SLC30A8: variants seen among roughly 807,000 people sequenced by gnomAD.
SLC30A8 encodes the protein proton-coupled zinc antiporter SLC30A8.
SLC30A8 carries 27 observed loss-of-function variants against 36.9 expected under a neutral mutation model. The ratio of observed to expected loss-of-function variants is 0.73; its 90% CI spans 0.54 to 1.01. The LOEUF is 1.01. SLC30A8 is among the 50% of genes least tolerant of loss of function. The pLI, the probability that SLC30A8 is intolerant of heterozygous loss-of-function variation, is 0.00. For synonymous variants in SLC30A8, 164 were observed against 172.4 expected (o/e 0.95, Z 0.38); for missense variants, 439 against 452.0 (o/e 0.97, Z 0.26).
chr8:117,092,341 T>C (rs1819168974), intron 2 of SLC30A8, among the ~76,000 whole-genome samples: 1 of 152,224 alleles, frequency 6.6e-6, no homozygotes, highest in Non-Finnish European at 1.5e-5. Context: ...TTTTTATTTT[T>C]TCTTTACCTA....
upstream of SLC30A8, chr8:116,950,689 C>T (rs1240983968): frequency 6.6e-6 from 1 of 152,174 alleles, no homozygotes; most frequent in Non-Finnish European, 1.5e-5. Flanking sequence ...GTACTAGTTG[C>T]TCTAAACTTC....
At position 117,166,853 on chromosome 8, in the gene SLC30A8, A is replaced by T. The variant is rs1355139733; in HGVS notation, c.829+3323A>T. Among the ~76,000 whole-genome samples, 4 of 144,748 alleles carry T rather than the reference A, an allele frequency of 2.8e-5. No individual in the cohort carries two copies. In the Admixed American group the frequency reaches 2.9e-4, roughly 10 times the overall value. The allele number at this position is 144,748 out of a possible 152,430, so 95.0% of individuals were successfully genotyped here. The stretch of plus-strand genomic sequence containing the variant: ...GCAGTTGCCTTCAGTGACAGCTCAC[A>T]CTTCGTTAGTGTTCACTGCTAAGTA... On this transcript the variant is annotated intron_variant, in intron 6 of 7. Transcript: ENST00000456015.
Position 117,173,603 on chromosome 8 carries a change from C to T in SLC30A8, c.*922C>T, listed in dbSNP as rs966375170. The T allele has an allele frequency of 5.3e-5, 8 of 152,170 alleles. No individual in the cohort carries two copies. The highest frequency in any genetic ancestry group is 2.1e-4 in the South Asian group (1 of 4,830). The allele number at this position is 152,170 out of a possible 1,614,324, so 9.4% of individuals were successfully genotyped here. A position where few individuals can be genotyped will look rare whatever the true frequency, so the allele number is the denominator to read the frequency against. The stretch of plus-strand genomic sequence containing the variant: ...ATTGAAACTATAAAGAGGAATCAGA[C>T]GCAGCAAGTGCTTCTGTGTTCTGGT... On this transcript the variant is annotated 3_prime_UTR_variant, in exon 8 of 8. Transcript: ENST00000456015.
Position 117,067,301 on chromosome 8 carries a change from A to G in SLC30A8, c.-226+28043A>G, listed in dbSNP as rs142092371. ...ATTGACTCTACTGGATTTTAGTCAT[A>G]TAAATCAATAGGTGTTTTTCATGCT... On this transcript the variant is annotated intron_variant, in intron 2 of 10. Transcript: ENST00000427715. Among the ~76,000 whole-genome samples the G allele has an allele frequency of 7.6e-3, 1,150 of 152,128 alleles. 20 individuals are homozygous for G. The highest frequency in any genetic ancestry group is 0.026 in the African/African-American group (1,092 of 41,504).
intron 2 of SLC30A8, among the ~76,000 whole-genome samples, chr8:117,072,837 CTTTT>C: frequency 7.2e-6 from 1 of 139,792 alleles, no homozygotes; most frequent in African/African-American, 2.6e-5. Flanking sequence ...AATCCTACTA[CTTTT>C]TTTTTTTTTT....
At chr8:116,965,190 G>C (rs1222887039) in intron 1 of SLC30A8, among the ~76,000 whole-genome samples, 1 of 152,148 alleles carries the variant, frequency 6.6e-6, no homozygotes, top group East Asian at 1.9e-4. Context: ...CACCCGCCTT[G>C]GCCTCCCAAA....
chr8:117,087,135 G>A (rs1387330890), intron 2 of SLC30A8, among the ~76,000 whole-genome samples: 1 of 152,146 alleles, frequency 6.6e-6, no homozygotes, highest in Non-Finnish European at 1.5e-5. Flanking sequence ...GGATATGGTA[G>A]CTTTGAAGGA....
chr8:117,017,528 A>G (rs1816558037), intron 1 of SLC30A8, among the ~76,000 whole-genome samples: 1 of 152,238 alleles, frequency 6.6e-6, no homozygotes. Context: ...GCAAGGCACC[A>G]GCCAACACCA....
At chr8:117,077,355 AT>A (rs1007098250) in intron 2 of SLC30A8, among the ~76,000 whole-genome samples, 1 of 152,204 alleles carries the variant, frequency 6.6e-6, no homozygotes, top group African/African-American at 2.4e-5. Context: ...GAAGAAAAAA[AT>A]ATCTTATGGT....
At chr8:116,953,349 T>G (rs1814065895) in intron 1 of SLC30A8, among the ~76,000 whole-genome samples, 1 of 152,222 alleles carries the variant, frequency 6.6e-6, no homozygotes, top group South Asian at 2.1e-4. Context: ...TCCTAATCCC[T>G]TTATTCTTTC....
chr8:117,046,138 C>T (rs1400633478), intron 2 of SLC30A8, among the ~76,000 whole-genome samples: 1 of 152,058 alleles, frequency 6.6e-6, no homozygotes, highest in Non-Finnish European at 1.5e-5. Context: ...GGTTCCTCCC[C>T]AAATCCCGCT....
At chr8:116,965,074 T>A in intron 1 of SLC30A8, among the ~76,000 whole-genome samples, 1 of 152,158 alleles carries the variant, frequency 6.6e-6, no homozygotes, top group East Asian at 1.9e-4. Context: ...GTAGCTGAGA[T>A]TACAGGCGTG....
At chr8:117,002,116 A>C (rs1003428319) in intron 1 of SLC30A8, among the ~76,000 whole-genome samples, 3 of 152,206 alleles carry the variant, frequency 2.0e-5, no homozygotes, top group Non-Finnish European at 4.4e-5. Flanking sequence ...TCAGTGCATC[A>C]AAAATTCCAT....
intron 4 of SLC30A8, 33 bp downstream of exon 4, chr8:117,157,877 A>T (rs377289568): frequency 1.2e-6 from 2 of 1,610,130 alleles, no homozygotes; most frequent in Non-Finnish European, 1.7e-6. Flanking sequence ...CACACTGCTC[A>T]TGAGGCTCTC....
intron 2 of SLC30A8, among the ~76,000 whole-genome samples, chr8:117,051,905 C>T (rs551696346): frequency 2.0e-5 from 3 of 152,294 alleles, no homozygotes; most frequent in Admixed American, 2.0e-4. Context: ...ATGCTGGCTC[C>T]CTTTCACCTT....
At chr8:117,156,764 T>G (rs1822507666) in intron 3 of SLC30A8, among the ~76,000 whole-genome samples, 1 of 152,196 alleles carries the variant, frequency 6.6e-6, no homozygotes, top group Non-Finnish European at 1.5e-5. Context: ...ATAAGACAGG[T>G]AGCATGTGGA....
intron 1 of SLC30A8, among the ~76,000 whole-genome samples, chr8:116,993,888 A>G (rs1340063304): frequency 6.6e-6 from 1 of 151,984 alleles, no homozygotes; most frequent in Non-Finnish European, 1.5e-5. Flanking sequence ...ATAAAAAGTT[A>G]TACCAATACA....
chr8:117,156,283 T>G (rs1822483087), intron 3 of SLC30A8, among the ~76,000 whole-genome samples: 1 of 152,174 alleles, frequency 6.6e-6, no homozygotes, highest in East Asian at 1.9e-4. Flanking sequence ...CCTCAGGCAA[T>G]CCGCTTGCTT....
chr8:117,161,242 A>T (rs991591743), intron 4 of SLC30A8, among the ~76,000 whole-genome samples: 1 of 152,238 alleles, frequency 6.6e-6, no homozygotes, highest in Non-Finnish European at 1.5e-5. Context: ...TTCTTTTGAA[A>T]ATGCACAAAA....
Sources: gnomAD v4.1 joint callset for allele counts (sites outside exome capture counted in the v4.1 genomes callset) on GRCh38, gnomAD v4.1.1 for gene constraint, MANE v1.5 for transcripts, NCBI Gene and HGNC (gene_info 2026-07-23, HGNC 2026-07-21) for gene names.